Variants in ADAMTSL1 observed in about 807,000 individuals in gnomAD.
ADAMTSL1 encodes ADAMTS-like protein 1.
A neutral mutation model predicts 201.8 loss-of-function variants in ADAMTSL1; 126 were observed. That is an observed-to-expected ratio of 0.62 (90% CI 0.54 to 0.72). The LOEUF (loss-of-function observed/expected upper bound fraction) is 0.72, where lower values mean the gene tolerates loss of function less well. Ranked by LOEUF, ADAMTSL1 falls within the 30% of genes least tolerant of loss-of-function variation. The probability of loss-of-function intolerance (pLI) is 0.00; values close to 1 mark genes in which losing one functional copy is unlikely to be tolerated. For missense variants in ADAMTSL1, 2,679 were observed against 2,277.8 expected (o/e 1.18, Z -3.59); for synonymous variants, 1,121 against 903.4 (o/e 1.24, Z -4.32).
intron 2 of ADAMTSL1, among the ~76,000 whole-genome samples, chr9:18,316,638 G>A (rs1834407971): frequency 6.6e-6 from 1 of 151,644 alleles, no homozygotes; most frequent in Non-Finnish European, 1.5e-5. Context: ...TTTTTTCAAG[G>A]TGCCCAGATT....
At chr9:18,131,690 T>C (rs1363563524) in intron 1 of ADAMTSL1, among the ~76,000 whole-genome samples, 2 of 152,176 alleles carry the variant, frequency 1.3e-5, no homozygotes, top group African/African-American at 4.8e-5. Flanking sequence ...TCTCTCATCA[T>C]TTCCCTCTGT....
intron 1 of ADAMTSL1, among the ~76,000 whole-genome samples, chr9:18,157,079 G>C (rs1239217914): frequency 6.6e-6 from 1 of 151,988 alleles, no homozygotes; most frequent in East Asian, 1.9e-4. Context: ...TAAAAAGTCA[G>C]CTTGGTGAAG....
At chr9:18,037,484 AT>A (rs948161890) in intron 1 of ADAMTSL1, among the ~76,000 whole-genome samples, 3 of 152,190 alleles carry the variant, frequency 2.0e-5, no homozygotes, top group South Asian at 2.1e-4. Context: ...ACTTGCTTAT[AT>A]TTTTTCCCCT....
chr9:18,531,933 C>T (rs565878783), intron 2 of ADAMTSL1, among the ~76,000 whole-genome samples: 10 of 152,274 alleles, frequency 6.6e-5, no homozygotes, highest in Admixed American at 1.3e-4. Flanking sequence ...ACTTAACCTT[C>T]CTAAGCTTCG....
At chr9:18,474,481 A>C (rs963684228) in intron 1 of ADAMTSL1, among the ~76,000 whole-genome samples, 186 bp downstream of exon 1, 4 of 152,194 alleles carry the variant, frequency 2.6e-5, no homozygotes, top group African/African-American at 9.7e-5. Context: ...CTTCCCAAGC[A>C]AGATAAAGTC....
intron 1 of ADAMTSL1, among the ~76,000 whole-genome samples, chr9:18,112,539 G>T (rs1338994176): frequency 6.6e-6 from 1 of 150,990 alleles, no homozygotes; most frequent in Non-Finnish European, 1.5e-5. Flanking sequence ...TGCTTCCTGA[G>T]ATCATACCCT....
intron 1 of ADAMTSL1, among the ~76,000 whole-genome samples, chr9:18,074,393 C>T (rs1823101843): frequency 2.0e-5 from 3 of 152,164 alleles, no homozygotes; most frequent in Non-Finnish European, 4.4e-5. Context: ...TGTCTGTTCT[C>T]AGGTGACCCT....
intron 2 of ADAMTSL1, among the ~76,000 whole-genome samples, chr9:18,521,657 G>T (rs1169441055): frequency 1.3e-5 from 2 of 152,096 alleles, no homozygotes; most frequent in Non-Finnish European, 2.9e-5. Flanking sequence ...AGACAGTGCT[G>T]AATTGCCTCC....
intron 2 of ADAMTSL1, among the ~76,000 whole-genome samples, chr9:18,214,291 G>A (rs970719503): frequency 6.6e-5 from 10 of 152,010 alleles, no homozygotes; most frequent in East Asian, 1.9e-4. Flanking sequence ...AAATCTCTTC[G>A]AAATTCAAAT....
At chr9:18,801,275 G>C (rs528288487) in intron 20 of ADAMTSL1, among the ~76,000 whole-genome samples, 3 of 152,194 alleles carry the variant, frequency 2.0e-5, no homozygotes, top group Non-Finnish European at 4.4e-5. Context: ...CAGCTTTATT[G>C]AGATATAATG....
rs191212994 is a variant in ADAMTSL1 at position 17,998,974 on chromosome 9, T to G, written c.87+92052T>G. Among the ~76,000 whole-genome samples the G allele has an allele frequency of 1.1e-3, 168 of 152,190 alleles. 1 individual carries two copies. The highest frequency in any genetic ancestry group is 7.4e-5 in the Non-Finnish European group (5 of 67,996). ...TTTTAAAGGGGTGATGATACACTCT[T>G]TCCTCTAGATGAAAAATTACAGAGC... On this transcript the variant is annotated intron_variant, in intron 1 of 29. Transcript: ENST00000680146.
intron 1 of ADAMTSL1, among the ~76,000 whole-genome samples, chr9:17,940,017 G>A (rs924978457): frequency 6.6e-6 from 1 of 152,028 alleles, no homozygotes; most frequent in Admixed American, 6.6e-5. Context: ...ATGGAAGCAT[G>A]AGAAAGGAGG....
intron 4 of ADAMTSL1, among the ~76,000 whole-genome samples, chr9:18,606,472 G>A (rs1825018058): frequency 6.6e-6 from 1 of 152,156 alleles, no homozygotes; most frequent in South Asian, 2.1e-4. Flanking sequence ...TCTAAACAGA[G>A]CGCTCGCATG....
chr9:18,475,720 C>T (rs1160982402), intron 1 of ADAMTSL1, among the ~76,000 whole-genome samples: 2 of 151,898 alleles, frequency 1.3e-5, no homozygotes, highest in Non-Finnish European at 2.9e-5. Context: ...CTTGTATACA[C>T]CATTAGTTTG....
intron 4 of ADAMTSL1, among the ~76,000 whole-genome samples, chr9:18,616,982 T>C (rs1825736308): frequency 6.6e-6 from 1 of 152,196 alleles, no homozygotes; most frequent in Non-Finnish European, 1.5e-5. Flanking sequence ...TAAAGTTCTA[T>C]CTAAATTAAG....
chr9:18,524,543 T>G (rs1305623384), intron 2 of ADAMTSL1, among the ~76,000 whole-genome samples: 1 of 152,108 alleles, frequency 6.6e-6, no homozygotes, highest in Non-Finnish European at 1.5e-5. Context: ...ATGCTTCCAG[T>G]TTTTGCCCAT....
intron 12 of ADAMTSL1, among the ~76,000 whole-genome samples, chr9:18,683,979 C>G (rs548301853): frequency 2.0e-5 from 3 of 152,280 alleles, no homozygotes; most frequent in African/African-American, 7.2e-5. Context: ...ATAAATGACC[C>G]TAATAAATAT....
intron 9 of ADAMTSL1, 138 bp downstream of exon 9, chr9:18,662,211 T>A: frequency 8.5e-7 from 1 of 1,179,014 alleles, no homozygotes; most frequent in Non-Finnish European, 1.2e-6. Context: ...TGTTCATTAC[T>A]AATCACGTGT....
chr9:18,796,495 C>G (rs1022786486), intron 20 of ADAMTSL1: 1 of 152,230 alleles, frequency 6.6e-6, no homozygotes, highest in Non-Finnish European at 1.5e-5. Context: ...CCAACATCAC[C>G]CCACACTGAC....
Sources: gnomAD v4.1 joint callset for allele counts (sites outside exome capture counted in the v4.1 genomes callset) on GRCh38, gnomAD v4.1.1 for gene constraint, MANE v1.5 for transcripts, NCBI Gene and HGNC (gene_info 2026-07-23, HGNC 2026-07-21) for gene names.